DOCK10: variants seen among roughly 807,000 people sequenced by gnomAD.
DOCK10 encodes dedicator of cytokinesis protein 10.
Under a neutral mutation model 280.1 loss-of-function variants are expected in DOCK10, and 145 were observed. The ratio of observed to expected loss-of-function variants is 0.52; its 90% CI spans 0.45 to 0.59. DOCK10 has a LOEUF of 0.59. Among genes scored for constraint, DOCK10 ranks in the 20% least tolerant of loss-of-function variants. The probability of loss-of-function intolerance (pLI) is 0.00; values close to 1 mark genes in which losing one functional copy is unlikely to be tolerated. For missense variants in DOCK10, 2,368 were observed against 2,651.7 expected, an observed-to-expected ratio of 0.89 and a Z score of 2.35; for synonymous variants, 915 against 942.2, an observed-to-expected ratio of 0.97 and a Z score of 0.53.
chr2:224,966,837 T>A (rs1704773794), intron 1 of DOCK10, among the ~76,000 whole-genome samples: 1 of 151,562 alleles, frequency 6.6e-6, no homozygotes, highest in Non-Finnish European at 1.5e-5. Flanking sequence ...AAACCTTTCA[T>A]ACCAGCGAGC....
chr2:224,773,423 G>A (rs765227094), intron 52 of DOCK10, 76 bp from the exon 53 acceptor site: 22 of 1,338,534 alleles, frequency 1.6e-5, no homozygotes, highest in Non-Finnish European at 2.3e-5. Context: ...AAGGACCAGA[G>A]GATCATGTAT....
At chr2:224,910,001 G>A (rs1700920471) in intron 3 of DOCK10, among the ~76,000 whole-genome samples, 1 of 152,152 alleles carries the variant, frequency 6.6e-6, no homozygotes, top group Admixed American at 6.6e-5. Flanking sequence ...ATGAGAAGCT[G>A]AGAATTGTCA....
chr2:224,834,664 C>T (rs777876857), intron 25 of DOCK10, among the ~76,000 whole-genome samples: 1 of 152,180 alleles, frequency 6.6e-6, no homozygotes, highest in Admixed American at 6.5e-5. Context: ...AGTGGGGAAG[C>T]CAGTGCCTTC....
At chr2:224,907,818 C>T (rs1220749179) in intron 3 of DOCK10, among the ~76,000 whole-genome samples, 1 of 152,088 alleles carries the variant, frequency 6.6e-6, no homozygotes, top group Non-Finnish European at 1.5e-5. Context: ...CATGCCGGTT[C>T]ACCCAATTGT....
intron 55 of DOCK10, among the ~76,000 whole-genome samples, chr2:224,766,991 ACTC>A (rs900269096): frequency 2.0e-5 from 3 of 152,018 alleles, no homozygotes; most frequent in Admixed American, 2.0e-4. Context: ...TCTTCAAAAT[ACTC>A]CTCTAGCTAA....
intron 30 of DOCK10, among the ~76,000 whole-genome samples, chr2:224,816,072 G>A (rs1467572101): frequency 6.6e-6 from 1 of 151,734 alleles, no homozygotes; most frequent in East Asian, 1.9e-4. Context: ...GAAAAAAACT[G>A]TACCTCATAA....
At chr2:224,929,493 G>A (rs540140129) in intron 2 of DOCK10, among the ~76,000 whole-genome samples, 20 of 152,264 alleles carry the variant, frequency 1.3e-4, no homozygotes, top group African/African-American at 4.8e-4. Flanking sequence ...GAGAGGGTAG[G>A]CTATGGCTTT....
rs192076376 is a variant in DOCK10 at position 224,787,631 on chromosome 2, C to T, written c.5419-234G>A. On this transcript the variant is annotated intron_variant, in intron 48 of 55. Coordinates refer to ENST00000258390, the MANE Select transcript of DOCK10 (RefSeq NM_014689.3). The stretch of plus-strand genomic sequence containing the variant: ...TGTGAAATGCCTTCAGATCTGTCTC[C>T]TTCTTCCCATTCCCACTGCTACTGA... 1.1e-3 allele frequency among the ~76,000 whole-genome samples: 169 copies of T among 152,310 alleles called. 1 individual carries two copies. Among genetic ancestry groups the T allele is most frequent in the African/African-American group, 3.9e-3 (161 of 41,568 alleles).
In DOCK10 at chr2:224,924,604, T is replaced by C. The variant is rs553893997; in HGVS notation, c.243+6945A>G. ...CACATTCTGTTTACCCATTCATCAGTTGATAGATTATTTGGGTTATTCTCA... is the reference window on the plus strand; with the variant it reads ...CACATTCTGTTTACCCATTCATCAGCTGATAGATTATTTGGGTTATTCTCA... On this transcript the variant is annotated intron_variant, in intron 2 of 55. Transcript: ENST00000258390. Among the ~76,000 whole-genome samples, 7 of 152,334 alleles carry C rather than the reference T, an allele frequency of 4.6e-5. No individual in the cohort carries two copies. In the East Asian group the frequency reaches 7.7e-4, roughly 17 times the overall value.
chr2:225,030,953 C>T (rs527762683), intron 1 of DOCK10, among the ~76,000 whole-genome samples: 1 of 152,296 alleles, frequency 6.6e-6, no homozygotes, highest in African/African-American at 2.4e-5. Context: ...CTTGGATTTC[C>T]TTTTGCATGC....
chr2:224,778,967 A>G (rs750182179), intron 50 of DOCK10, among the ~76,000 whole-genome samples: 23 of 152,202 alleles, frequency 1.5e-4, no homozygotes, highest in Non-Finnish European at 2.4e-4. Context: ...AAAGGAAGAC[A>G]TTATAGGATT....
At chr2:224,922,740 G>T (rs895176657) in intron 2 of DOCK10, among the ~76,000 whole-genome samples, 13 of 152,114 alleles carry the variant, frequency 8.5e-5, no homozygotes, top group African/African-American at 3.1e-4. Flanking sequence ...TTGGCCAAAG[G>T]TCACTGTAAA....
At chr2:224,910,410 A>G (rs1199885593) in intron 3 of DOCK10, among the ~76,000 whole-genome samples, 1 of 152,146 alleles carries the variant, frequency 6.6e-6, no homozygotes, top group African/African-American at 2.4e-5. Flanking sequence ...AAAACACCCT[A>G]TTGGCAGTTA....
At chr2:225,009,935 C>T (rs386959) in intron 1 of DOCK10, among the ~76,000 whole-genome samples, 108,571 of 152,014 alleles carry the variant, frequency 0.71, 40,447 homozygotes, top group Middle Eastern at 0.87. Context: ...TACTGGTTAA[C>T]CGTTAACTGA....
chr2:225,007,051 C>T (rs1689295427), intron 1 of DOCK10, among the ~76,000 whole-genome samples: 1 of 152,164 alleles, frequency 6.6e-6, no homozygotes, highest in African/African-American at 2.4e-5. Context: ...TTCTGCAATC[C>T]ATCATCTTGC....
At chr2:224,808,678 A>G (rs914243694) in intron 31 of DOCK10, among the ~76,000 whole-genome samples, 3 of 152,132 alleles carry the variant, frequency 2.0e-5, no homozygotes, top group Non-Finnish European at 4.4e-5. Context: ...ATGATGGAGA[A>G]CAGTACAATT....
chr2:224,907,687 C>CAA (rs71062965), intron 3 of DOCK10, among the ~76,000 whole-genome samples: 6 of 123,454 alleles, frequency 4.9e-5, no homozygotes, highest in African/African-American at 1.8e-4. Flanking sequence ...GACTCCACCT[C>CAA]AAAAAAAAAA....
chr2:224,877,294 T>G (rs1288191903), intron 7 of DOCK10, among the ~76,000 whole-genome samples: 1 of 152,242 alleles, frequency 6.6e-6, no homozygotes, highest in Non-Finnish European at 1.5e-5. Flanking sequence ...GACAAATACA[T>G]GTCTCCCTTA....
Position 224,931,657 on chromosome 2 carries a change from A to G in DOCK10, c.135T>C (p.Pro45=). ...CATAATCCAAAGGCTCGAGAAGCCT[A>G]GGCTTTTCTTGCTGTAGAAAAAGAA... ...SSRQQQRQEK[P]RLLEPLDYET... The change falls in exon 2 of 56, where the codon CCT becomes CCC. Residue 45 remains proline, a synonymous_variant. Transcript: ENST00000258390. 1 of 1,605,518 alleles carries G rather than the reference A, an allele frequency of 6.2e-7. No individual in the cohort carries two copies. The highest frequency in any genetic ancestry group is 8.5e-7 in the Non-Finnish European group (1 of 1,175,810).
Sources: gnomAD v4.1 joint callset for allele counts (sites outside exome capture counted in the v4.1 genomes callset) on GRCh38, gnomAD v4.1.1 for gene constraint, MANE v1.5 for transcripts, NCBI Gene and HGNC (gene_info 2026-07-23, HGNC 2026-07-21) for gene names.